Variants in DLGAP2 observed in about 807,000 individuals in gnomAD.
The protein encoded by DLGAP2 is disks large-associated protein 2.
DLGAP2 carries 26 observed loss-of-function variants against 100.3 expected under a neutral mutation model. That is an observed-to-expected ratio of 0.26 (90% CI 0.19 to 0.36). The LOEUF is 0.36. Ranked by LOEUF, DLGAP2 falls within the 10% of genes least tolerant of loss-of-function variation. The pLI is 1.00. For synonymous variants in DLGAP2, 886 were observed against 630.1 expected, an observed-to-expected ratio of 1.41 and a Z score of -6.08; for missense variants, 1,858 against 1,453.2, an observed-to-expected ratio of 1.28 and a Z score of -4.53.
At chr8:1,559,928 C>T (rs1336093239) in intron 5 of DLGAP2, among the ~76,000 whole-genome samples, 1 of 152,230 alleles carries the variant, frequency 6.6e-6, no homozygotes, top group African/African-American at 2.4e-5. Context: ...TTTCCTGATC[C>T]TGGCCCCTCC....
At chr8:1,143,160 C>A (rs1585099402) in intron 2 of DLGAP2, among the ~76,000 whole-genome samples, 1 of 152,182 alleles carries the variant, frequency 6.6e-6, no homozygotes, top group African/African-American at 2.4e-5. Flanking sequence ...GAAACAGTCT[C>A]TCCCAGTCTC....
chr8:1,288,190 A>AGTGT lies in DLGAP2; in HGVS notation c.106+29331_106+29334dup, dbSNP rs1179699312. 2.9e-3 allele frequency among the ~76,000 whole-genome samples: 268 copies of AGTGT among 93,636 alleles called. 2 individuals carry two copies. Among genetic ancestry groups the AGTGT allele is most frequent in the Middle Eastern group, 0.015 (1 of 66 alleles). The allele number at this position is 93,636 out of a possible 152,430, so 61.4% of individuals were successfully genotyped here. A position where few individuals can be genotyped will look rare whatever the true frequency, so the allele number is the denominator to read the frequency against. On this transcript the variant is annotated intron_variant, in intron 3 of 14. Transcript: ENST00000637795. ...TTAGGAGGGGAACTAGTTTCGGTTG[A>AGTGT]GTGTGTGTGTGTGTGTGTGTGTGTG...
At chr8:1,329,455 G>A (rs1322318750) in intron 3 of DLGAP2, among the ~76,000 whole-genome samples, 3 of 152,148 alleles carry the variant, frequency 2.0e-5, no homozygotes, top group African/African-American at 7.2e-5. Flanking sequence ...TTATTTTTAT[G>A]ATTTCTGAAA....
chr8:1,513,631 C>T (rs574963167), intron 4 of DLGAP2, among the ~76,000 whole-genome samples: 3 of 152,350 alleles, frequency 2.0e-5, no homozygotes, highest in African/African-American at 4.8e-5. Context: ...CCTTGCTAAG[C>T]CCTCCTGGTC....
intron 2 of DLGAP2, among the ~76,000 whole-genome samples, chr8:988,211 T>C (rs1439360417): frequency 2.0e-5 from 3 of 152,212 alleles, no homozygotes; most frequent in Non-Finnish European, 4.4e-5. Context: ...CCCTTTAGTA[T>C]TCAGATAGAG....
chr8:1,540,975 C>T (rs905592769), intron 4 of DLGAP2, among the ~76,000 whole-genome samples: 2 of 152,170 alleles, frequency 1.3e-5, no homozygotes, highest in African/African-American at 2.4e-5. Context: ...CCACAGAATT[C>T]GGCCCAGGGA....
intron 2 of DLGAP2, among the ~76,000 whole-genome samples, chr8:1,216,389 C>T (rs370856751): frequency 1.2e-4 from 18 of 152,076 alleles, no homozygotes; most frequent in East Asian, 1.2e-3. Flanking sequence ...CACTCTGTTG[C>T]CCAGGCTGGA....
intron 4 of DLGAP2, among the ~76,000 whole-genome samples, chr8:1,527,186 G>A (rs1400265245): frequency 1.3e-5 from 2 of 152,230 alleles, no homozygotes; most frequent in African/African-American, 2.4e-5. Flanking sequence ...GACTGACATG[G>A]TGTGCACCTC....
At chr8:836,574 G>T (rs1225947259) in intron 1 of DLGAP2, among the ~76,000 whole-genome samples, 3 of 152,230 alleles carry the variant, frequency 2.0e-5, no homozygotes, top group African/African-American at 7.2e-5. Context: ...CTGCAGGCCA[G>T]CGTCTTGTGG....
intron 2 of DLGAP2, among the ~76,000 whole-genome samples, chr8:978,014 C>G (rs71516128): frequency 6.2e-5 from 2 of 32,330 alleles, no homozygotes; most frequent in African/African-American, 1.5e-4. Flanking sequence ...CAGTGAGGGG[C>G]TGGGTTCTGG....
At chr8:789,584 A>C (rs1037702231) in intron 1 of DLGAP2, among the ~76,000 whole-genome samples, 8 of 152,210 alleles carry the variant, frequency 5.3e-5, no homozygotes, top group Admixed American at 3.9e-4. Flanking sequence ...GATGATGGCT[A>C]CTTAAATTTT....
chr8:822,157 GC>G (rs1473371644), intron 1 of DLGAP2: 9 of 399,562 alleles, frequency 2.3e-5, no homozygotes, highest in Admixed American at 1.8e-4. Context: ...CTAACCCTCT[GC>G]CTGCGCCCAG....
rs1422726106 is a variant in DLGAP2 at position 1,386,278 on chromosome 8, G to C, written c.107-115088G>C. Among the ~76,000 whole-genome samples, 9 of 152,184 alleles carry C rather than the reference G, an allele frequency of 5.9e-5. No individual in the cohort carries two copies. The East Asian group carries it at 1.3e-3, about 23-fold the overall frequency. On this transcript the variant is annotated intron_variant, in intron 3 of 14. Transcript: ENST00000637795. ...ATCACCAATTCTAGAAAAATCACCA[G>C]ACCCAAAGTCGGTGAGATTATAGAT...
Position 1,701,331 on chromosome 8 carries a change from C to G in DLGAP2, c.3093C>G (p.Ser1031=). 2 of 1,592,310 alleles carry G rather than the reference C, an allele frequency of 1.3e-6. No individual in the cohort carries two copies. Among genetic ancestry groups the G allele is most frequent in the South Asian group, 2.3e-5 (2 of 87,618 alleles). The change falls in exon 15 of 15, where the codon TCC becomes TCG. Residue 1031 remains serine (S), a synonymous_variant. Coordinates refer to ENST00000637795, the MANE Select transcript of DLGAP2 (RefSeq NM_001346810.2). ...RRLMAAKRAA[S]FRQNSASERA... ...TCATGGCCGCCAAGCGAGCGGCGTC[C>G]TTCCGGCAGAATTCCGCCTCCGAGC... is the stretch of plus-strand genomic sequence containing the variant.
chr8:919,507 G>A (rs924835084), intron 2 of DLGAP2, among the ~76,000 whole-genome samples: 3 of 152,178 alleles, frequency 2.0e-5, no homozygotes, highest in African/African-American at 7.2e-5. Context: ...GTCCTGCTGG[G>A]CAGTGTTCAT....
chr8:1,233,497 G>A (rs967309713), intron 2 of DLGAP2, among the ~76,000 whole-genome samples: 3 of 152,204 alleles, frequency 2.0e-5, no homozygotes, highest in Admixed American at 1.3e-4. Context: ...CGCAGGGAAG[G>A]TTGGGATGCA....
At chr8:887,096 C>T (rs182257458) in intron 1 of DLGAP2, among the ~76,000 whole-genome samples, 114 of 152,136 alleles carry the variant, frequency 7.5e-4, no homozygotes, top group African/African-American at 2.4e-3. Context: ...CTCTTCTTGT[C>T]GAATTGATCC....
intron 2 of DLGAP2, among the ~76,000 whole-genome samples, chr8:1,210,744 A>G (rs1220296709): frequency 7.2e-6 from 1 of 139,752 alleles, no homozygotes; most frequent in Non-Finnish European, 1.6e-5. Flanking sequence ...CCTGGTTCCA[A>G]TGGCAGCACC....
intron 2 of DLGAP2, among the ~76,000 whole-genome samples, chr8:1,093,256 GCCAGAAACACCTTCACACCCA>G (rs1239540184): frequency 2.6e-5 from 4 of 151,810 alleles, no homozygotes; most frequent in Admixed American, 2.6e-4. Context: ...CACACCCGCA[GCCAGAAACACCTTCACACCCA>G]CAGCCAGAAA....
Sources: gnomAD v4.1 joint callset for allele counts (sites outside exome capture counted in the v4.1 genomes callset) on GRCh38, gnomAD v4.1.1 for gene constraint, MANE v1.5 for transcripts, NCBI Gene and HGNC (gene_info 2026-07-23, HGNC 2026-07-21) for gene names.